Variants in TTC28 observed in about 807,000 individuals in gnomAD.
The protein encoded by TTC28 is tetratricopeptide repeat domain 28, also known as tetratricopeptide repeat protein 28.
Under a neutral mutation model 198.0 loss-of-function variants are expected in TTC28, and 61 were observed. The observed-to-expected ratio is 0.31, with a 90% CI of 0.25 to 0.38. The LOEUF is 0.38. Ranked by LOEUF, TTC28 falls within the 10% of genes least tolerant of loss-of-function variation. The probability of loss-of-function intolerance (pLI) is 1.00; values close to 1 mark genes in which losing one functional copy is unlikely to be tolerated. For missense variants in TTC28, 2,678 were observed against 3,164.0 expected (o/e 0.85, Z 3.69); for synonymous variants, 1,171 against 1,297.8 (o/e 0.90, Z 2.10).
intron 2 of TTC28, among the ~76,000 whole-genome samples, chr22:28,331,597 A>C (rs920702480): frequency 2.0e-5 from 3 of 152,116 alleles, no homozygotes; most frequent in African/African-American, 4.8e-5. Flanking sequence ...TTTAATAACT[A>C]AAGAATTTCA....
At chr22:28,254,733 C>T (rs1033867381) in intron 5 of TTC28, among the ~76,000 whole-genome samples, 12 of 151,978 alleles carry the variant, frequency 7.9e-5, no homozygotes, top group African/African-American at 1.7e-4. Flanking sequence ...AATACCAAAG[C>T]GTCAAGTATG....
intron 2 of TTC28, among the ~76,000 whole-genome samples, chr22:28,464,427 T>A (rs1397563388): frequency 6.6e-6 from 1 of 152,220 alleles, no homozygotes; most frequent in African/African-American, 2.4e-5. Context: ...TATATCCCCA[T>A]AAGACTAGTG....
intron 1 of TTC28, among the ~76,000 whole-genome samples, chr22:28,631,646 T>A (rs2051175091): frequency 6.6e-6 from 1 of 152,020 alleles, no homozygotes; most frequent in Non-Finnish European, 1.5e-5. Context: ...CACCTCAGCC[T>A]CCCAAGTTGC....
chr22:27,984,120 G>T (rs543026392), intron 22 of TTC28, among the ~76,000 whole-genome samples: 1 of 152,176 alleles, frequency 6.6e-6, no homozygotes, highest in East Asian at 1.9e-4. Context: ...GTCACATGCG[G>T]GGTCAGGGTA....
intron 5 of TTC28, among the ~76,000 whole-genome samples, chr22:28,175,335 T>C (rs1360783709): frequency 2.0e-5 from 3 of 152,154 alleles, no homozygotes; most frequent in Non-Finnish European, 4.4e-5. Flanking sequence ...ACCTATACAA[T>C]GGGAGAAAAT....
At chr22:28,167,913 T>C (rs557772059) in intron 5 of TTC28, among the ~76,000 whole-genome samples, 62 of 152,334 alleles carry the variant, frequency 4.1e-4, no homozygotes, top group Non-Finnish European at 6.9e-4. Context: ...ATTGTATATC[T>C]AGAAAACCCC....
intron 2 of TTC28, among the ~76,000 whole-genome samples, chr22:28,528,791 G>A (rs1460729064): frequency 6.8e-6 from 1 of 147,606 alleles, no homozygotes; most frequent in African/African-American, 2.5e-5. Context: ...GACAGATGAA[G>A]TAAAATTATA....
intron 5 of TTC28, among the ~76,000 whole-genome samples, chr22:28,239,638 C>T (rs958321193): frequency 6.6e-6 from 1 of 152,162 alleles, no homozygotes; most frequent in Non-Finnish European, 1.5e-5. Context: ...ATGGAGAACA[C>T]AGACACAGAG....
intron 2 of TTC28, among the ~76,000 whole-genome samples, chr22:28,436,457 G>A (rs2047521123): frequency 6.6e-6 from 1 of 152,098 alleles, no homozygotes; most frequent in Non-Finnish European, 1.5e-5. Flanking sequence ...GGCAATAGAA[G>A]AACTGCTTAC....
chr22:28,491,058 C>G (rs1440857888), intron 2 of TTC28, among the ~76,000 whole-genome samples: 1 of 152,164 alleles, frequency 6.6e-6, no homozygotes, highest in East Asian at 1.9e-4. Flanking sequence ...AGCCTTTAAG[C>G]TTAGGAATAA....
intron 5 of TTC28, among the ~76,000 whole-genome samples, chr22:28,210,365 C>A (rs1016263584): frequency 6.6e-6 from 1 of 151,974 alleles, no homozygotes; most frequent in Non-Finnish European, 1.5e-5. Flanking sequence ...GGAGGATGTT[C>A]GAAGAAAAGA....
At chr22:28,468,969 A>G (rs2048064082) in intron 2 of TTC28, among the ~76,000 whole-genome samples, 1 of 152,102 alleles carries the variant, frequency 6.6e-6, no homozygotes, top group African/African-American at 2.4e-5. Context: ...AAACACTCCA[A>G]TTATTTTCAA....
rs116520171 is a variant in TTC28 at position 28,208,324 on chromosome 22, G to A, written c.934-44725C>T. On this transcript the variant is annotated intron_variant, in intron 5 of 22. Coordinates refer to ENST00000397906, the MANE Select transcript of TTC28 (RefSeq NM_001145418.2). ...ACCAGCCCTGGTAAAACTCTACACT[G>A]CATTAGTCTCTTCATCCATATAGTA... Among the ~76,000 whole-genome samples, 123 of 152,202 alleles carry A rather than the reference G, an allele frequency of 8.1e-4. 1 individual carries two copies. The highest frequency in any genetic ancestry group is 2.8e-3 in the African/African-American group (117 of 41,534).
intron 5 of TTC28, among the ~76,000 whole-genome samples, chr22:28,281,279 T>G (rs2044577869): frequency 6.6e-6 from 1 of 152,154 alleles, no homozygotes. Flanking sequence ...GAGGCTCTTT[T>G]TATTCTTTTT....
At chr22:28,256,939 C>G (rs1407701071) in intron 5 of TTC28, among the ~76,000 whole-genome samples, 1 of 152,174 alleles carries the variant, frequency 6.6e-6, no homozygotes. Flanking sequence ...ACTCAGGAGG[C>G]TGAGGTGGGA....
At position 28,107,885 on chromosome 22, in the gene TTC28, C is replaced by T; in HGVS notation, c.1960G>A (p.Val654Met). 1 of 1,551,804 alleles carries T rather than the reference C, an allele frequency of 6.4e-7. No homozygotes were observed. The highest frequency in any genetic ancestry group is 2.4e-5 in the East Asian group (1 of 40,926). ...HYCLGNYQEA[V>M]KYYEQDLALA... ...GCCAGATCCTGTTCGTAGTACTTCA[C>T]TGCCTCCTGATAGTTTCCAAGGCAG... The change falls in exon 7 of 23, where the codon GTG becomes ATG. Residue 654 changes from valine (V) to methionine (M), a missense_variant. Val to Met is a conservative substitution (Grantham distance 21). Transcript: ENST00000397906.
intron 2 of TTC28, among the ~76,000 whole-genome samples, chr22:28,356,295 C>T (rs928095090): frequency 2.0e-5 from 3 of 152,126 alleles, no homozygotes; most frequent in African/African-American, 7.2e-5. Flanking sequence ...CACTCACTCT[C>T]CATCCACTGG....
At chr22:28,180,749 A>G (rs1206087497) in intron 5 of TTC28, among the ~76,000 whole-genome samples, 1 of 152,216 alleles carries the variant, frequency 6.6e-6, no homozygotes, top group African/African-American at 2.4e-5. Context: ...AAACTTCCTG[A>G]GTGGGATCTC....
At chr22:28,676,019 C>G (rs563690296) in intron 1 of TTC28, among the ~76,000 whole-genome samples, 1 of 151,944 alleles carries the variant, frequency 6.6e-6, no homozygotes, top group Admixed American at 6.5e-5. Flanking sequence ...GGTATATACC[C>G]AAGGGAAATG....
Sources: allele counts gnomAD v4.1 joint callset (sites outside exome capture counted in the v4.1 genomes callset), GRCh38; gene constraint gnomAD v4.1.1; transcripts MANE v1.5; gene names NCBI Gene and HGNC (gene_info 2026-07-23, HGNC 2026-07-21).